Variants in TENM2 observed in about 807,000 individuals in gnomAD.
TENM2 encodes the protein teneurin-2.
TENM2 carries 52 observed loss-of-function variants against 245.2 expected under a neutral mutation model. The ratio of observed to expected loss-of-function variants is 0.21; its 90% CI spans 0.17 to 0.27. The LOEUF is 0.27. Ranked by LOEUF, TENM2 falls within the 10% of genes least tolerant of loss-of-function variation. TENM2 has a pLI of 1.00. For synonymous variants in TENM2, 1,363 were observed against 1,438.9 expected, an observed-to-expected ratio of 0.95 and a Z score of 1.19; for missense variants, 3,046 against 3,666.8, an observed-to-expected ratio of 0.83 and a Z score of 4.37.
At chr5:167,875,206 A>G (rs1006887808) in intron 2 of TENM2, among the ~76,000 whole-genome samples, 3 of 152,136 alleles carry the variant, frequency 2.0e-5, no homozygotes, top group Admixed American at 6.5e-5. Context: ...GAAGACAAAC[A>G]TGGAAGGGTT....
chr5:167,517,008 A>G (rs907258400), intron 2 of TENM2, among the ~76,000 whole-genome samples: 1 of 152,232 alleles, frequency 6.6e-6, no homozygotes, highest in African/African-American at 2.4e-5. Flanking sequence ...CAATTTCATA[A>G]TGTGAATTTT....
intron 2 of TENM2, among the ~76,000 whole-genome samples, chr5:167,808,774 A>G (rs1766417636): frequency 6.6e-6 from 1 of 152,200 alleles, no homozygotes; most frequent in Non-Finnish European, 1.5e-5. Context: ...CAAAACTTAT[A>G]ACTTGTCTTT....
At chr5:167,258,863 C>T in the TENM2 span, among the ~76,000 whole-genome samples, 3 of 151,896 alleles carry the variant, frequency 2.0e-5, no homozygotes, top group East Asian at 5.8e-4. Context: ...CTACAGTTCA[C>T]AATGACAAAA....
intron 2 of TENM2, among the ~76,000 whole-genome samples, chr5:167,691,735 C>A (rs1757440912): frequency 6.6e-6 from 1 of 152,080 alleles, no homozygotes; most frequent in Non-Finnish European, 1.5e-5. Context: ...CGCTGTGGCT[C>A]CTGGTGGTTA....
At chr5:167,719,339 A>C (rs1038970324) in intron 2 of TENM2, among the ~76,000 whole-genome samples, 1 of 152,232 alleles carries the variant, frequency 6.6e-6, no homozygotes, top group South Asian at 2.1e-4. Context: ...CATAGCACAG[A>C]GGACTAGAGA....
the TENM2 span, among the ~76,000 whole-genome samples, chr5:166,979,238 C>T: frequency 9.7e-6 from 1 of 103,108 alleles, no homozygotes; most frequent in Non-Finnish European, 2.0e-5. Flanking sequence ...CAGCAGCAGC[C>T]GCCGCGGCAA....
chr5:167,635,953 C>CTTTTTTTTTTTTTTTT (rs1178028323), intron 2 of TENM2, among the ~76,000 whole-genome samples: 1 of 151,898 alleles, frequency 6.6e-6, no homozygotes, highest in Non-Finnish European at 1.5e-5. Flanking sequence ...CCAGTCTTTT[C>CTTTTTTTTTTTTTTTT]TTAAGATCAC....
At chr5:167,307,292 A>C (rs1374479627) in intron 1 of TENM2, among the ~76,000 whole-genome samples, 1 of 151,992 alleles carries the variant, frequency 6.6e-6, no homozygotes, top group Non-Finnish European at 1.5e-5. Context: ...GCGATTTTTG[A>C]CTGTTTATCT....
At chr5:168,163,022 G>A (rs900185887) in intron 13 of TENM2, among the ~76,000 whole-genome samples, 10 of 152,188 alleles carry the variant, frequency 6.6e-5, no homozygotes, top group East Asian at 3.9e-4. Flanking sequence ...GGGCCCTGGC[G>A]CTGCCTTCAG....
At chr5:168,173,428 T>A (rs1338738042) in intron 13 of TENM2, among the ~76,000 whole-genome samples, 1 of 152,170 alleles carries the variant, frequency 6.6e-6, no homozygotes, top group East Asian at 1.9e-4. Context: ...ATTTCAGACC[T>A]GGGACCTAGA....
intron 2 of TENM2, among the ~76,000 whole-genome samples, chr5:167,556,762 G>A (rs1053656891): frequency 1.3e-5 from 2 of 152,098 alleles, no homozygotes; most frequent in Non-Finnish European, 1.5e-5. Flanking sequence ...ATTGGGGTGA[G>A]AAGAATCCCT....
At chr5:168,058,165 G>A (rs247998) in intron 6 of TENM2, among the ~76,000 whole-genome samples, 82,054 of 152,038 alleles carry the variant, frequency 0.54, 23,547 homozygotes, top group Non-Finnish European at 0.65. Context: ...GGCCTAGACC[G>A]CAGCACATCC....
intron 3 of TENM2, among the ~76,000 whole-genome samples, chr5:167,924,400 G>T (rs372084959): frequency 1.3e-5 from 2 of 152,298 alleles, no homozygotes; most frequent in Admixed American, 1.3e-4. Flanking sequence ...TGTTTTTCTC[G>T]ACAGGAGCAT....
chr5:167,316,587 G>A (rs925278924), intron 1 of TENM2, among the ~76,000 whole-genome samples: 10 of 152,088 alleles, frequency 6.6e-5, no homozygotes, highest in South Asian at 6.2e-4. Context: ...GTGTGTATAC[G>A]CATACATATA....
chr5:167,545,113 G>A (rs1479704865), intron 2 of TENM2, among the ~76,000 whole-genome samples: 2 of 152,068 alleles, frequency 1.3e-5, no homozygotes, highest in African/African-American at 2.4e-5. Context: ...GGAGATTTTG[G>A]CTCCTGAGAA....
chr5:167,424,845 G>GT (rs1404020627), intron 2 of TENM2, among the ~76,000 whole-genome samples: 8 of 152,064 alleles, frequency 5.3e-5, no homozygotes, highest in Non-Finnish European at 1.0e-4. Flanking sequence ...CAGGTTTGGG[G>GT]TTTTTTCTAA....
chr5:168,086,495 G>A (rs1021250942), intron 7 of TENM2, among the ~76,000 whole-genome samples: 7 of 152,262 alleles, frequency 4.6e-5, no homozygotes, highest in African/African-American at 7.2e-5. Context: ...AGAACTGGGC[G>A]GGGAGAGGTG....
At chr5:167,891,541 A>T (rs1443530975) in intron 3 of TENM2, among the ~76,000 whole-genome samples, 2 of 152,182 alleles carry the variant, frequency 1.3e-5, no homozygotes, top group Non-Finnish European at 2.9e-5. Context: ...TCCTTATTAC[A>T]TAGCTGGGGC....
intron 2 of TENM2, among the ~76,000 whole-genome samples, chr5:167,417,222 T>C (rs945235898): frequency 1.3e-5 from 2 of 152,172 alleles, no homozygotes; most frequent in African/African-American, 4.8e-5. Context: ...CACTCTTATC[T>C]GGGAGTTATT....
Sources: gnomAD v4.1 joint callset for allele counts (sites outside exome capture counted in the v4.1 genomes callset) on GRCh38, gnomAD v4.1.1 for gene constraint, MANE v1.5 for transcripts, NCBI Gene and HGNC (gene_info 2026-07-23, HGNC 2026-07-21) for gene names.